Variants in LCLAT1 observed in about 807,000 individuals in gnomAD.
LCLAT1 encodes 1-AGP acyltransferase 8.
Under a neutral mutation model 30.7 loss-of-function variants are expected in LCLAT1, and 11 were observed. That is an observed-to-expected ratio of 0.36 (90% CI 0.23 to 0.59). LCLAT1 has a LOEUF of 0.59. Ranked by LOEUF, LCLAT1 falls within the 20% of genes least tolerant of loss-of-function variation. LCLAT1 has a pLI of 0.77. For synonymous variants in LCLAT1, 155 were observed against 151.3 expected, an observed-to-expected ratio of 1.02 and a Z score of -0.18; for missense variants, 402 against 458.6, an observed-to-expected ratio of 0.88 and a Z score of 1.13.
At chr2:30,626,842 C>T (rs926900106) in intron 5 of LCLAT1, among the ~76,000 whole-genome samples, 3 of 151,764 alleles carry the variant, frequency 2.0e-5, no homozygotes, top group Admixed American at 2.0e-4. Context: ...TTAGATAATT[C>T]GTAATTTTCC....
intron 5 of LCLAT1, among the ~76,000 whole-genome samples, chr2:30,610,470 G>A (rs920569753): frequency 2.6e-5 from 4 of 152,108 alleles, no homozygotes; most frequent in African/African-American, 9.7e-5. Flanking sequence ...TTATCCACTT[G>A]TGTATCAAGG....
chr2:30,482,350 A>G (rs1384461739), intron 1 of LCLAT1, among the ~76,000 whole-genome samples: 1 of 152,232 alleles, frequency 6.6e-6, no homozygotes, highest in Non-Finnish European at 1.5e-5. Context: ...TAAAATGTGT[A>G]TAATAAATCT....
chr2:30,501,026 A>G (rs1220091473), intron 1 of LCLAT1, among the ~76,000 whole-genome samples: 1 of 151,064 alleles, frequency 6.6e-6, no homozygotes, highest in Non-Finnish European at 1.5e-5. Context: ...CCTGTTGACC[A>G]ACTCCTCTTC....
intron 1 of LCLAT1, among the ~76,000 whole-genome samples, chr2:30,488,505 A>G (rs1245297346): frequency 6.6e-6 from 1 of 152,182 alleles, no homozygotes; most frequent in African/African-American, 2.4e-5. Flanking sequence ...AACTGTCTTT[A>G]CTTTCTCTTT....
At chr2:30,496,575 C>T (rs749661629) in intron 1 of LCLAT1, among the ~76,000 whole-genome samples, 2 of 152,116 alleles carry the variant, frequency 1.3e-5, no homozygotes, top group Non-Finnish European at 2.9e-5. Context: ...AAATTCCTAC[C>T]TTTTCTTATA....
chr2:30,594,332 C>CAAAG lies in LCLAT1; in HGVS notation c.628+26158_628+26161dup, dbSNP rs368744220. On this transcript the variant is annotated intron_variant, in intron 5 of 5. Transcript: ENST00000379509. ...AAATTTTCAAACGTATAGCAAAGTT[C>CAAAG]AAAGAGGCTTACAGCGAACACCCAT... Among the ~76,000 whole-genome samples, 280 of 152,220 alleles carry CAAAG rather than the reference C, an allele frequency of 1.8e-3. 1 individual carries two copies. The highest frequency in any genetic ancestry group is 6.3e-3 in the African/African-American group (262 of 41,544).
intron 5 of LCLAT1, among the ~76,000 whole-genome samples, chr2:30,597,967 A>G (rs1342825005): frequency 1.3e-5 from 2 of 152,220 alleles, no homozygotes; most frequent in Non-Finnish European, 2.9e-5. Context: ...ATGTTGAACC[A>G]GCCTTGCATC....
At chr2:30,494,854 A>G (rs1360381120) in intron 1 of LCLAT1, among the ~76,000 whole-genome samples, 1 of 141,446 alleles carries the variant, frequency 7.1e-6, no homozygotes, top group Non-Finnish European at 1.5e-5. Context: ...TTTATCACTG[A>G]TTTTTCTGTT....
chr2:30,552,698 T>C (rs1664735476), intron 3 of LCLAT1: 1 of 230,726 alleles, frequency 4.3e-6, no homozygotes, highest in Non-Finnish European at 9.1e-6. Context: ...ATCCAGCATT[T>C]AGCACCCTAA....
chr2:30,566,741 G>C (rs7602714), intron 4 of LCLAT1, among the ~76,000 whole-genome samples: 94,232 of 152,062 alleles, frequency 0.62, 29,588 homozygotes, highest in Non-Finnish European at 0.68. Flanking sequence ...CCCAGCAGTT[G>C]AGGCCAAATT....
At chr2:30,463,483 T>C (rs1682270225) in intron 1 of LCLAT1, among the ~76,000 whole-genome samples, 1 of 152,234 alleles carries the variant, frequency 6.6e-6, no homozygotes, top group Admixed American at 6.5e-5. Context: ...TATGTTAATG[T>C]ATAGTCAGCC....
intron 1 of LCLAT1, among the ~76,000 whole-genome samples, chr2:30,473,534 T>A (rs1438588983): frequency 6.6e-6 from 1 of 152,226 alleles, no homozygotes; most frequent in Non-Finnish European, 1.5e-5. Context: ...ATCGTGATAA[T>A]TTATGAACCT....
chr2:30,488,440 C>G (rs1241944873), intron 1 of LCLAT1, among the ~76,000 whole-genome samples: 1 of 152,220 alleles, frequency 6.6e-6, no homozygotes, highest in Non-Finnish European at 1.5e-5. Flanking sequence ...ATTGTGCTGA[C>G]TTTGCAGCCA....
At chr2:30,633,783 C>T (rs1668883226) in intron 5 of LCLAT1, among the ~76,000 whole-genome samples, 1 of 152,150 alleles carries the variant, frequency 6.6e-6, no homozygotes, top group African/African-American at 2.4e-5. Context: ...TATGAGATCA[C>T]TGAGTTAAAA....
rs1669431756 is a variant in LCLAT1 at position 30,643,734 on chromosome 2, C to A, written c.*3115C>A. On this transcript the variant is annotated 3_prime_UTR_variant, in exon 6 of 6. Coordinates refer to ENST00000379509, the MANE Select transcript of LCLAT1 (RefSeq NM_001002257.3). ...TGTTGGTGTTAAATTGTTTACATTT[C>A]TTTATACAAATAATGTGCTTTCAGT... 1 of 152,650 alleles carries A rather than the reference C, an allele frequency of 6.6e-6. No homozygotes were observed. Among genetic ancestry groups the A allele is most frequent in the Non-Finnish European group, 1.5e-5 (1 of 68,034 alleles). 9.5% of individuals were successfully genotyped at this position (152,650 alleles called of 1,614,324 possible).
intron 2 of LCLAT1, 92 bp downstream of exon 2, chr2:30,525,847 C>T (rs1458755223): frequency 4.6e-6 from 5 of 1,084,202 alleles, no homozygotes; most frequent in African/African-American, 3.1e-5. Flanking sequence ...CAAGTCCCTA[C>T]AGTATTTGCA....
chr2:30,568,203 T>C (rs1233086320), intron 5 of LCLAT1, 27 bp downstream of exon 5: 2 of 1,374,624 alleles, frequency 1.5e-6, no homozygotes, highest in Non-Finnish European at 2.0e-6. Flanking sequence ...AAATGTACTT[T>C]TTAATAAAAG....
chr2:30,627,234 C>T (rs1243906832), intron 5 of LCLAT1, among the ~76,000 whole-genome samples: 2 of 152,150 alleles, frequency 1.3e-5, no homozygotes, highest in African/African-American at 4.8e-5. Context: ...TCTCCTAGCA[C>T]ACAAGTCCCT....
chr2:30,535,109 T>C (rs1686178384), intron 3 of LCLAT1, among the ~76,000 whole-genome samples: 1 of 152,156 alleles, frequency 6.6e-6, no homozygotes, highest in Non-Finnish European at 1.5e-5. Flanking sequence ...TTAAAAGTCC[T>C]CTTACAGAGG....
Sources: allele counts gnomAD v4.1 joint callset (sites outside exome capture counted in the v4.1 genomes callset), GRCh38; gene constraint gnomAD v4.1.1; transcripts MANE v1.5; gene names NCBI Gene and HGNC (gene_info 2026-07-23, HGNC 2026-07-21).